The following TMEM132C variants were observed in gnomAD, a reference collection of about 807,000 sequenced individuals.
The protein encoded by TMEM132C is transmembrane protein 132C.
Under a neutral mutation model 61.4 loss-of-function variants are expected in TMEM132C, and 29 were observed. The ratio of observed to expected loss-of-function variants is 0.47; its 90% CI spans 0.35 to 0.64. The LOEUF (loss-of-function observed/expected upper bound fraction) is 0.64, where lower values mean the gene tolerates loss of function less well. Among genes scored for constraint, TMEM132C ranks in the 30% least tolerant of loss-of-function variants. The pLI is 0.00. For missense variants in TMEM132C, 1,408 were observed against 1,476.9 expected (o/e 0.95, Z 0.76); for synonymous variants, 656 against 633.1 (o/e 1.04, Z -0.54).
intron 1 of TMEM132C, among the ~76,000 whole-genome samples, chr12:128,357,706 A>AAAG (rs1873558666): frequency 6.6e-6 from 1 of 151,420 alleles, no homozygotes; most frequent in African/African-American, 2.4e-5. Flanking sequence ...AAAAAAAAAA[A>AAAG]AAAAGAAAAA....
chr12:128,675,944 C>A (rs1954582657), intron 5 of TMEM132C, among the ~76,000 whole-genome samples: 1 of 152,088 alleles, frequency 6.6e-6, no homozygotes, highest in Admixed American at 6.6e-5. Context: ...TATATCAAGG[C>A]CTTTTAACTC....
chr12:128,413,309 A>C (rs1385813809), intron 1 of TMEM132C, among the ~76,000 whole-genome samples: 1 of 150,564 alleles, frequency 6.6e-6, no homozygotes, highest in African/African-American at 2.4e-5. Flanking sequence ...AAAAAAAAAA[A>C]AAAAAAAAAA....
chr12:128,522,583 T>A (rs896246822), intron 2 of TMEM132C, among the ~76,000 whole-genome samples: 2 of 152,214 alleles, frequency 1.3e-5, no homozygotes, highest in African/African-American at 4.8e-5. Flanking sequence ...CACATTTACG[T>A]GGCGATATCT....
chr12:128,340,856 T>TCTTTCTTTCTTC (rs1555218715), intron 1 of TMEM132C, among the ~76,000 whole-genome samples: 60 of 147,374 alleles, frequency 4.1e-4, no homozygotes, highest in African/African-American at 1.5e-3. Context: ...TCTCTTTCTT[T>TCTTTCTTTCTTC]CTTCCTTCCT....
chr12:128,348,018 A>G (rs1433442804), intron 1 of TMEM132C, among the ~76,000 whole-genome samples: 1 of 152,208 alleles, frequency 6.6e-6, no homozygotes. Context: ...TGAATATGTA[A>G]TCAATTTGGG....
chr12:128,676,844 G>A (rs1271977643), intron 5 of TMEM132C, among the ~76,000 whole-genome samples: 2 of 152,220 alleles, frequency 1.3e-5, no homozygotes, highest in African/African-American at 4.8e-5. Flanking sequence ...GGAACATGAA[G>A]CCAGGCCAGT....
At chr12:128,512,540 A>T (rs1259863507) in intron 2 of TMEM132C, among the ~76,000 whole-genome samples, 16 of 152,182 alleles carry the variant, frequency 1.1e-4, no homozygotes, top group Non-Finnish European at 2.9e-5. Context: ...AATGTCTGTT[A>T]TTAAAAAGAA....
rs74383451 is a variant in TMEM132C at position 128,629,175 on chromosome 12, G to T, written c.1305+12840G>T. ...TTTTTCAAACGAGAATGGAGTTCAA[G>T]TTCTATACGTGGCCCTTTGTTCAGC... On this transcript the variant is annotated intron_variant, in intron 4 of 8. Coordinates refer to ENST00000435159, the MANE Select transcript of TMEM132C (RefSeq NM_001136103.3). Among the ~76,000 whole-genome samples, 1,328 of 152,270 alleles carry T rather than the reference G, an allele frequency of 8.7e-3. 19 individuals are homozygous for T. Among genetic ancestry groups the T allele is most frequent in the African/African-American group, 0.029 (1,220 of 41,556 alleles).
At chr12:128,640,167 G>A (rs891292157) in intron 4 of TMEM132C, among the ~76,000 whole-genome samples, 1 of 152,172 alleles carries the variant, frequency 6.6e-6, no homozygotes, top group Non-Finnish European at 1.5e-5. Flanking sequence ...ACCTCTGTAA[G>A]CATTTCAATT....
rs187303473 is a variant in TMEM132C at position 128,272,906 on chromosome 12, T to A, written c.85+5419T>A. On this transcript the variant is annotated intron_variant, in intron 1 of 8. Transcript: ENST00000435159. The stretch of plus-strand genomic sequence containing the variant: ...GTGCTTTATATATTCTGAATGCAAG[T>A]CCTTTGTCAGATAAGTGTTTTAAGA... Among the ~76,000 whole-genome samples the A allele has an allele frequency of 7.5e-4, 114 of 152,314 alleles. 1 individual carries two copies. Among genetic ancestry groups the A allele is most frequent in the Admixed American group, 4.6e-3 (70 of 15,296 alleles).
chr12:128,359,632 A>G (rs1230077965), intron 1 of TMEM132C, among the ~76,000 whole-genome samples: 1 of 152,192 alleles, frequency 6.6e-6, no homozygotes, highest in African/African-American at 2.4e-5. Context: ...GACAAACACC[A>G]AGATTATTAC....
chr12:128,303,834 C>G (rs1871674196), intron 1 of TMEM132C, among the ~76,000 whole-genome samples: 1 of 152,140 alleles, frequency 6.6e-6, no homozygotes, highest in Non-Finnish European at 1.5e-5. Flanking sequence ...TTTCTGAGCT[C>G]AGACCTCAGG....
chr12:128,440,679 G>A (rs1869752076), intron 2 of TMEM132C, among the ~76,000 whole-genome samples: 2 of 152,196 alleles, frequency 1.3e-5, no homozygotes, highest in African/African-American at 4.8e-5. Context: ...AAGGAGTCTG[G>A]GAAAGTGAGT....
chr12:128,285,137 T>C (rs531294877), intron 1 of TMEM132C, among the ~76,000 whole-genome samples: 1 of 152,274 alleles, frequency 6.6e-6, no homozygotes, highest in African/African-American at 2.4e-5. Context: ...AACAAGACCC[T>C]GTTTAGTGAG....
intron 1 of TMEM132C, among the ~76,000 whole-genome samples, chr12:128,374,119 G>A (rs143176467): frequency 3.0e-4 from 45 of 152,320 alleles, no homozygotes; most frequent in Non-Finnish European, 1.3e-4. Context: ...CACTGTGGAT[G>A]ATGACTGGCC....
At position 128,415,490 on chromosome 12, in the gene TMEM132C, C is replaced by G; in HGVS notation, c.844C>G (p.Gln282Glu). 1 of 1,551,606 alleles carries G rather than the reference C, an allele frequency of 6.4e-7. No homozygotes were observed. The highest frequency in any genetic ancestry group is 2.4e-5 in the East Asian group (1 of 40,876). The change falls in exon 2 of 9, where the codon CAG becomes GAG. Residue 282 changes from glutamine to glutamate, a missense_variant. Physicochemically the swap from Gln to Glu is conservative, Grantham distance 29. Coordinates refer to ENST00000435159, the MANE Select transcript of TMEM132C (RefSeq NM_001136103.3). This position sits in a 1 kb window ranked among gnomAD's most constrained non-coding sequence, Gnocchi z 5.8. ...VGLYRAQDSA[Q>E]LSELRLDGNV... ...CCTTTACCGGGCCCAGGACAGCGCC[C>G]AGCTCAGCGAGCTGCGTTTGGATGG...
At chr12:128,623,011 T>C (rs1240856509) in intron 4 of TMEM132C, among the ~76,000 whole-genome samples, 2 of 152,166 alleles carry the variant, frequency 1.3e-5, no homozygotes, top group African/African-American at 4.8e-5. Flanking sequence ...GCTTTGGGAT[T>C]AGGTTTAAAA....
At chr12:128,370,400 A>G (rs1873994781) in intron 1 of TMEM132C, among the ~76,000 whole-genome samples, 2 of 152,164 alleles carry the variant, frequency 1.3e-5, no homozygotes, top group African/African-American at 4.8e-5. Context: ...AGGGTGGTCA[A>G]TTGAAGGATC....
At chr12:128,394,789 T>C (rs993300354) in intron 1 of TMEM132C, among the ~76,000 whole-genome samples, 3 of 152,208 alleles carry the variant, frequency 2.0e-5, no homozygotes, top group African/African-American at 7.2e-5. Flanking sequence ...AGTATATATA[T>C]CTGGTCTCTT....
Sources: allele counts gnomAD v4.1 joint callset (sites outside exome capture counted in the v4.1 genomes callset), GRCh38; gene constraint gnomAD v4.1.1; non-coding constraint Gnocchi (gnomAD v3.1); transcripts MANE v1.5; gene names NCBI Gene and HGNC (gene_info 2026-07-23, HGNC 2026-07-21).